The following MACROD1 variants were observed in gnomAD, a reference collection of about 807,000 sequenced individuals.
The protein encoded by MACROD1 is mono-ADP ribosylhydrolase 1.
Under a neutral mutation model 41.4 loss-of-function variants are expected in MACROD1, and 31 were observed. The ratio of observed to expected loss-of-function variants is 0.75; its 90% CI spans 0.56 to 1.01. The LOEUF (loss-of-function observed/expected upper bound fraction) is 1.01. Among genes scored for constraint, MACROD1 ranks in the 50% least tolerant of loss-of-function variants. The pLI is 0.00. For synonymous variants in MACROD1, 252 were observed against 203.4 expected (o/e 1.24, Z -2.03); for missense variants, 473 against 460.0 (o/e 1.03, Z -0.26).
In MACROD1 at chr11:64,014,937, G is replaced by A. The variant is rs191426275; in HGVS notation, c.547+315C>T. 2.0e-5 allele frequency among the ~76,000 whole-genome samples: 3 copies of A among 152,336 alleles called. No homozygotes were observed. In the East Asian group the frequency reaches 5.8e-4, roughly 29 times the overall value. ...CAGGTGGGGAAACTGAGGCCAAAAG[G>A]GACAGAGCTGCCCAAGGTCACAGGG... is the stretch of plus-strand genomic sequence containing the variant. On this transcript the variant is annotated intron_variant, in intron 4 of 10. Transcript: ENST00000255681.
rs911364904 is a variant in MACROD1, at chr11:64,090,281, G to A, written c.517+60958C>T. ...CTCATCCTCGGGAAATGCATCGTGC[G>A]TTGCTTTTCCCGTCTGGGAGTCTAA... On this transcript the variant is annotated intron_variant, in intron 3 of 10. Transcript: ENST00000255681. This position sits in a 1 kb window ranked among gnomAD's most constrained non-coding sequence, Gnocchi z 4.7. Among the ~76,000 whole-genome samples the A allele has an allele frequency of 3.9e-5, 6 of 152,178 alleles. No homozygotes were observed. The highest frequency in any genetic ancestry group is 1.2e-4 in the African/African-American group (5 of 41,440).
At chr11:64,127,864 C>A (rs1008637152) in intron 3 of MACROD1, among the ~76,000 whole-genome samples, 9 of 152,148 alleles carry the variant, frequency 5.9e-5, no homozygotes, top group African/African-American at 1.9e-4. Flanking sequence ...AGCTCTGGAG[C>A]CTCATCTGCC....
At chr11:64,014,580 C>T (rs562744311) in intron 4 of MACROD1, among the ~76,000 whole-genome samples, 1 of 152,342 alleles carries the variant, frequency 6.6e-6, no homozygotes, top group South Asian at 2.1e-4. Flanking sequence ...GGCAGCCTGG[C>T]CAGCTGGGGG....
intron 3 of MACROD1, among the ~76,000 whole-genome samples, chr11:64,033,850 AATT>A (rs1198827746): frequency 1.3e-5 from 2 of 151,996 alleles, no homozygotes; most frequent in Non-Finnish European, 2.9e-5. Context: ...CCCCCAAAAA[AATT>A]ATTATTTTTA....
intron 10 of MACROD1, 26 bp from the exon 11 acceptor site, chr11:63,998,713 G>A (rs1233087051): frequency 1.4e-6 from 2 of 1,411,262 alleles, no homozygotes; most frequent in Non-Finnish European, 1.8e-6. Context: ...AGTCAGAGGT[G>A]TCTATGGGCG....
intron 3 of MACROD1, among the ~76,000 whole-genome samples, chr11:64,150,612 A>G (rs767195822): frequency 1.6e-4 from 24 of 152,184 alleles, no homozygotes; most frequent in Non-Finnish European, 2.6e-4. Flanking sequence ...CCCCATGCCA[A>G]AGTCCTTTCC....
rs1945108630 is a variant in MACROD1, at chr11:64,122,134, T to G, written c.517+29105A>C. On this transcript the variant is annotated intron_variant, in intron 3 of 10. Transcript: ENST00000255681. This position sits in a 1 kb window ranked among gnomAD's most constrained non-coding sequence, Gnocchi z 4.0. ...AAGAGATTACTAAAAATAAAATCTA[T>G]TAATTAGTCATACTCAATTCCACAG... 6.6e-6 allele frequency among the ~76,000 whole-genome samples: 1 copy of G among 152,232 alleles called. No homozygotes were observed. The highest frequency in any genetic ancestry group is 6.5e-5 in the Admixed American group (1 of 15,282).
chr11:64,034,136 G>A lies in MACROD1; in HGVS notation c.518-18855C>T, dbSNP rs140186678. Among the ~76,000 whole-genome samples the A allele has an allele frequency of 8.0e-4, 122 of 152,370 alleles. No individual in the cohort carries two copies. The East Asian group carries it at 0.023, about 28-fold the overall frequency. On this transcript the variant is annotated intron_variant, in intron 3 of 10. Transcript: ENST00000255681. The stretch of plus-strand genomic sequence containing the variant: ...CTCCTTCAAGACATTTAGTTCAGAA[G>A]AGGAGGAAGGCTTGAACATAATTCC...
At chr11:64,060,701 C>A (rs1286969916) in intron 3 of MACROD1, 1 of 152,252 alleles carries the variant, frequency 6.6e-6, no homozygotes, top group Non-Finnish European at 1.5e-5. Context: ...TTCATTCATT[C>A]ATTCATTCAT....
At chr11:64,143,726 T>G (rs574627588) in intron 3 of MACROD1, among the ~76,000 whole-genome samples, 5 of 134,070 alleles carry the variant, frequency 3.7e-5, no homozygotes, top group African/African-American at 1.2e-4. Flanking sequence ...GAGGAGGTAT[T>G]CCCTTCCCCC....
intron 3 of MACROD1, among the ~76,000 whole-genome samples, chr11:64,039,379 C>T (rs1049646412): frequency 2.0e-5 from 3 of 152,172 alleles, no homozygotes; most frequent in East Asian, 3.9e-4. Context: ...CTGCTGCCCC[C>T]GGTGTACTGC....
intron 3 of MACROD1, among the ~76,000 whole-genome samples, chr11:64,110,320 C>T (rs1944838597): frequency 6.6e-6 from 1 of 151,876 alleles, no homozygotes; most frequent in African/African-American, 2.4e-5. Flanking sequence ...TGTGGTGGTG[C>T]AGCATGTGGT....
chr11:64,039,233 C>T (rs1176846975), intron 3 of MACROD1, among the ~76,000 whole-genome samples: 3 of 151,726 alleles, frequency 2.0e-5, no homozygotes, highest in South Asian at 2.1e-4. Context: ...CGTGGGTGGA[C>T]AAGAAGGGGC....
chr11:64,157,052 C>G (rs1474991953), intron 1 of MACROD1, among the ~76,000 whole-genome samples: 1 of 152,148 alleles, frequency 6.6e-6, no homozygotes, highest in Non-Finnish European at 1.5e-5. Context: ...GGAGGAGAAA[C>G]AGGGGCCTTA....
intron 1 of MACROD1, among the ~76,000 whole-genome samples, chr11:64,157,228 G>A (rs112213108): frequency 0.011 from 1,663 of 152,222 alleles, 31 homozygotes; most frequent in African/African-American, 0.036. Flanking sequence ...GAGTAGCTGG[G>A]ATTACAGGCA....
intron 2 of MACROD1, 126 bp downstream of exon 2, chr11:64,152,166 C>T (rs746775115): frequency 2.2e-4 from 158 of 724,202 alleles, no homozygotes; most frequent in Non-Finnish European, 3.6e-4. Flanking sequence ...AGGTGATACA[C>T]GCGGAGCACC....
intron 3 of MACROD1, among the ~76,000 whole-genome samples, chr11:64,081,131 T>C (rs913992601): frequency 1.3e-5 from 2 of 152,182 alleles, no homozygotes; most frequent in Non-Finnish European, 2.9e-5. Context: ...AGACAATTCT[T>C]CTGCCTCAGC....
At chr11:64,130,077 C>T (rs1325343526) in intron 3 of MACROD1, among the ~76,000 whole-genome samples, 2 of 152,054 alleles carry the variant, frequency 1.3e-5, no homozygotes, top group African/African-American at 4.8e-5. Context: ...GGGGTGGTCC[C>T]CCGAGAAACC....
intron 3 of MACROD1, among the ~76,000 whole-genome samples, chr11:64,029,180 G>A (rs552034344): frequency 6.6e-6 from 1 of 152,346 alleles, no homozygotes; most frequent in East Asian, 1.9e-4. Context: ...CCACCTGCTG[G>A]GGTTGGTTGA....
Sources: allele counts gnomAD v4.1 joint callset (sites outside exome capture counted in the v4.1 genomes callset), GRCh38; gene constraint gnomAD v4.1.1; non-coding constraint Gnocchi (gnomAD v3.1); transcripts MANE v1.5; gene names NCBI Gene and HGNC (gene_info 2026-07-23, HGNC 2026-07-21).